Variants in NEK1 observed in about 807,000 individuals in gnomAD.
NEK1 encodes serine/threonine-protein kinase Nek1.
Under a neutral mutation model 182.1 loss-of-function variants are expected in NEK1, and 137 were observed. The ratio of observed to expected loss-of-function variants is 0.75; its 90% CI spans 0.65 to 0.87. The LOEUF (loss-of-function observed/expected upper bound fraction) is 0.87, where lower values mean the gene tolerates loss of function less well. NEK1 is among the 40% of genes least tolerant of loss of function. The probability of loss-of-function intolerance (pLI) is 0.00; values close to 1 mark genes in which losing one functional copy is unlikely to be tolerated. For synonymous variants in NEK1, 513 were observed against 492.2 expected, an observed-to-expected ratio of 1.04 and a Z score of -0.56; for missense variants, 1,391 against 1,494.4, an observed-to-expected ratio of 0.93 and a Z score of 1.14.
intron 23 of NEK1, among the ~76,000 whole-genome samples, chr4:169,498,989 C>T (rs563587891): frequency 6.6e-6 from 1 of 152,346 alleles, no homozygotes; most frequent in East Asian, 1.9e-4. Flanking sequence ...GGATAATATA[C>T]TGCAGAGTGT....
intron 31 of NEK1, among the ~76,000 whole-genome samples, chr4:169,408,573 G>A (rs1278559836): frequency 2.0e-5 from 3 of 152,102 alleles, no homozygotes; most frequent in Admixed American, 6.6e-5. Context: ...CGCAACACCC[G>A]AGCAGTGTAC....
chr4:169,549,295 C>T (rs1449662433), intron 18 of NEK1, among the ~76,000 whole-genome samples: 1 of 152,176 alleles, frequency 6.6e-6, no homozygotes, highest in Non-Finnish European at 1.5e-5. Context: ...TACACACTGT[C>T]CAACCAGTTC....
intron 18 of NEK1, among the ~76,000 whole-genome samples, chr4:169,547,153 T>C (rs1368769004): frequency 1.3e-5 from 2 of 152,240 alleles, no homozygotes. Flanking sequence ...TCAGGAGCTC[T>C]TGTAAGGCAA....
intron 2 of NEK1, among the ~76,000 whole-genome samples, chr4:169,610,016 C>CTTTTT (rs538596187): frequency 7.4e-6 from 1 of 135,318 alleles, no homozygotes. Context: ...CTAAGAATTT[C>CTTTTT]TTTTTTTTTT....
intron 33 of NEK1, 101 bp from the exon 34 acceptor site, chr4:169,400,752 T>C (rs995428575): frequency 5.1e-6 from 4 of 779,814 alleles, no homozygotes; most frequent in Non-Finnish European, 7.5e-6. Context: ...GCCATTGAAA[T>C]AGACTACTTC....
At chr4:169,403,131 T>C (rs541957186) in intron 32 of NEK1, among the ~76,000 whole-genome samples, 10 of 152,328 alleles carry the variant, frequency 6.6e-5, no homozygotes, top group African/African-American at 1.9e-4. Flanking sequence ...TAGAAATATC[T>C]TTATTTTGTA....
chr4:169,576,972 C>A lies in NEK1; in HGVS notation c.976G>T (p.Asp326Tyr). 1 of 1,611,456 alleles carries A rather than the reference C, an allele frequency of 6.2e-7. No homozygotes were observed. The highest frequency in any genetic ancestry group is 8.5e-7 in the Non-Finnish European group (1 of 1,178,670). ...GIPLAYKKYG[D>Y]KKLHEKKPLQ... is the part of the protein sequence containing the mutation. ...GGTTTCTTTTCGTGTAATTTTTTATCTCCATATTTCTTATATGCTAAAGGT... is the reference window on the plus strand; with the variant it reads ...GGTTTCTTTTCGTGTAATTTTTTATATCCATATTTCTTATATGCTAAAGGT... The change falls in exon 12 of 36, where the codon GAT becomes TAT. Residue 326 changes from aspartate (D) to tyrosine (Y), a missense_variant. Coordinates refer to ENST00000507142, the MANE Select transcript of NEK1 (RefSeq NM_001199397.3).
chr4:169,452,662 C>A (rs1233466996), intron 27 of NEK1, among the ~76,000 whole-genome samples: 2 of 152,126 alleles, frequency 1.3e-5, no homozygotes, highest in African/African-American at 4.8e-5. Flanking sequence ...CAGAACATAT[C>A]TCAAAATAAT....
At chr4:169,490,621 T>C (rs929283107) in intron 23 of NEK1, among the ~76,000 whole-genome samples, 1 of 151,738 alleles carries the variant, frequency 6.6e-6, no homozygotes, top group Non-Finnish European at 1.5e-5. Flanking sequence ...AATAAAGATA[T>C]ACATAACACA....
At chr4:169,525,275 C>T (rs537510835) in intron 19 of NEK1, among the ~76,000 whole-genome samples, 5 of 152,084 alleles carry the variant, frequency 3.3e-5, no homozygotes, top group South Asian at 4.2e-4. Context: ...ATTACAGGCA[C>T]GCACCACCAT....
intron 2 of NEK1, among the ~76,000 whole-genome samples, chr4:169,605,613 T>C (rs1022966443): frequency 6.6e-6 from 1 of 152,164 alleles, no homozygotes; most frequent in Non-Finnish European, 1.5e-5. Flanking sequence ...CAATAACAAA[T>C]TGTACTATAG....
chr4:169,586,949 G>T (rs1399061723), intron 9 of NEK1, among the ~76,000 whole-genome samples: 2 of 151,848 alleles, frequency 1.3e-5, no homozygotes, highest in African/African-American at 4.8e-5. Context: ...CTGAAGTTTT[G>T]TGTAATGAAA....
At chr4:169,553,111 C>T (rs913898179) in intron 18 of NEK1, among the ~76,000 whole-genome samples, 5 of 152,062 alleles carry the variant, frequency 3.3e-5, no homozygotes, top group Non-Finnish European at 7.4e-5. Context: ...CCGGAATAGC[C>T]AACTCAGTAT....
intron 27 of NEK1, among the ~76,000 whole-genome samples, chr4:169,441,000 T>C (rs4334719): frequency 0.19 from 29,490 of 152,076 alleles, 4,299 homozygotes; most frequent in African/African-American, 0.41. Context: ...CTACTGACAT[T>C]TACTCCATGT....
At chr4:169,419,951 C>G (rs1408322076) in intron 31 of NEK1, among the ~76,000 whole-genome samples, 2 of 152,084 alleles carry the variant, frequency 1.3e-5, no homozygotes, top group African/African-American at 4.8e-5. Context: ...CTGGAAGTTG[C>G]CCTGGGTAAG....
At chr4:169,443,403 G>A (rs1209533917) in intron 27 of NEK1, among the ~76,000 whole-genome samples, 1 of 102,020 alleles carries the variant, frequency 9.8e-6, no homozygotes, top group Non-Finnish European at 1.9e-5. Flanking sequence ...TTACAACTGA[G>A]AGCTTCAACA....
chr4:169,444,949 C>T (rs766674168), intron 27 of NEK1, among the ~76,000 whole-genome samples: 3 of 152,140 alleles, frequency 2.0e-5, no homozygotes, highest in Non-Finnish European at 2.9e-5. Flanking sequence ...ACGAGAGGAA[C>T]TTTGGAAACT....
intron 18 of NEK1, among the ~76,000 whole-genome samples, chr4:169,544,599 G>GTTTTTTTTTTTTTTTTTTTTTTT (rs139478702): frequency 1.5e-5 from 1 of 66,268 alleles, no homozygotes; most frequent in African/African-American, 5.5e-5. Flanking sequence ...TCTGGTCATG[G>GTTTTTTTTTTTTTTTTTTTTTTT]TTTTTTTTTT....
intron 19 of NEK1, among the ~76,000 whole-genome samples, chr4:169,514,055 G>T (rs1754673874): frequency 6.6e-6 from 1 of 151,388 alleles, no homozygotes. Flanking sequence ...GTGCAATCTT[G>T]GCTCACTGCA....
Sources: allele counts gnomAD v4.1 joint callset (sites outside exome capture counted in the v4.1 genomes callset), GRCh38; gene constraint gnomAD v4.1.1; transcripts MANE v1.5; gene names NCBI Gene and HGNC (gene_info 2026-07-23, HGNC 2026-07-21).